IREB2: variants seen among roughly 807,000 people sequenced by gnomAD.
IREB2 encodes the protein iron-responsive element-binding protein 2.
In IREB2, 39 loss-of-function variants were observed where a neutral mutation model predicts 118.8. The observed-to-expected ratio is 0.33, with a 90% CI of 0.25 to 0.43. The LOEUF is 0.43. Ranked by LOEUF, IREB2 falls within the 20% of genes least tolerant of loss-of-function variation. The probability of loss-of-function intolerance (pLI) is 1.00; values close to 1 mark genes in which losing one functional copy is unlikely to be tolerated. For missense variants in IREB2, 900 were observed against 1,147.3 expected, an observed-to-expected ratio of 0.78 and a Z score of 3.11; for synonymous variants, 372 against 392.2, an observed-to-expected ratio of 0.95 and a Z score of 0.61.
intron 11 of IREB2, among the ~76,000 whole-genome samples, chr15:78,483,964 T>G (rs1448550375): frequency 6.6e-6 from 1 of 152,020 alleles, no homozygotes; most frequent in Non-Finnish European, 1.5e-5. Flanking sequence ...TTTGTATTTT[T>G]AGTAGAGACA....
rs968191810 is a variant in IREB2, at chr15:78,475,947, A to C, written c.1024-241A>C. 9 of 320,558 alleles carry C rather than the reference A, an allele frequency of 2.8e-5. No homozygotes were observed. The South Asian group carries it at 1.0e-3, about 36-fold the overall frequency. 19.9% of individuals were successfully genotyped at this position (320,558 alleles called of 1,614,324 possible). On this transcript the variant is annotated intron_variant, in intron 8 of 21. Coordinates refer to ENST00000258886, the MANE Select transcript of IREB2 (RefSeq NM_004136.4). Reference sequence around the variant, plus strand: ...AGACATGAAAATGTTAATTATAGCCACCTTGAGCTTTCAGGCCCCTTTCTA... The same window carrying C: ...AGACATGAAAATGTTAATTATAGCCCCCTTGAGCTTTCAGGCCCCTTTCTA...
intron 2 of IREB2, among the ~76,000 whole-genome samples, chr15:78,453,411 T>C (rs780305066): frequency 6.6e-6 from 1 of 151,838 alleles, no homozygotes; most frequent in Non-Finnish European, 1.5e-5. Context: ...GGTAGAAAAG[T>C]GGGCACTTTT....
intron 10 of IREB2, 42 bp downstream of exon 10, chr15:78,478,439 TGTG>T (rs1388462640): frequency 5.8e-6 from 7 of 1,211,096 alleles, no homozygotes; most frequent in Middle Eastern, 1.9e-4. Flanking sequence ...GAGTGTAAAT[TGTG>T]GTGTAATCCC....
chr15:78,459,718 A>G (rs753060888), intron 2 of IREB2, among the ~76,000 whole-genome samples: 4 of 152,190 alleles, frequency 2.6e-5, no homozygotes, highest in Non-Finnish European at 5.9e-5. Context: ...ACATTTTTAC[A>G]TTTGGTTTGT....
intron 9 of IREB2, among the ~76,000 whole-genome samples, chr15:78,477,862 A>G (rs1304378427): frequency 6.6e-6 from 1 of 152,126 alleles, no homozygotes; most frequent in African/African-American, 2.4e-5. Context: ...TCAAAACTGC[A>G]GTGGGCTATG....
chr15:78,465,212 A>G (rs201993554), intron 3 of IREB2, 39 bp from the exon 4 acceptor site: 1 of 1,550,054 alleles, frequency 6.5e-7, no homozygotes, highest in Non-Finnish European at 8.8e-7. Context: ...TGTATAAAAA[A>G]CAATTTGGAC....
intron 2 of IREB2, among the ~76,000 whole-genome samples, chr15:78,454,704 T>C (rs1361324384): frequency 6.6e-6 from 1 of 152,212 alleles, no homozygotes; most frequent in African/African-American, 2.4e-5. Context: ...TGTTTTATTA[T>C]TTATTTAGAG....
At chr15:78,493,303 A>T (rs1318577206) in intron 18 of IREB2, among the ~76,000 whole-genome samples, 1 of 152,174 alleles carries the variant, frequency 6.6e-6, no homozygotes, top group East Asian at 1.9e-4. Context: ...ACCCAAATCC[A>T]CACATACTGA....
chr15:78,482,975 G>A (rs975570809), intron 10 of IREB2, among the ~76,000 whole-genome samples: 4 of 152,202 alleles, frequency 2.6e-5, no homozygotes, highest in East Asian at 3.9e-4. Context: ...TCCTGACCTC[G>A]TGACCTGCCC....
intron 18 of IREB2, among the ~76,000 whole-genome samples, chr15:78,493,591 A>C (rs908167030): frequency 7.0e-6 from 1 of 141,982 alleles, no homozygotes; most frequent in Non-Finnish European, 1.6e-5. Context: ...TGATGTTAAG[A>C]AATTATTGTG....
chr15:78,444,468 G>T (rs2050896012), intron 2 of IREB2, among the ~76,000 whole-genome samples: 1 of 152,024 alleles, frequency 6.6e-6, no homozygotes, highest in Admixed American at 6.6e-5. Context: ...CTTTATCTCA[G>T]GTCATCTTAT....
At chr15:78,480,111 C>T (rs2051541109) in intron 10 of IREB2, 1 of 152,014 alleles carries the variant, frequency 6.6e-6, no homozygotes, top group African/African-American at 2.4e-5. Context: ...TATTGTATCC[C>T]CAGCTCCTAG....
intron 7 of IREB2, 21 bp downstream of exon 7, chr15:78,471,945 A>G (rs779132107): frequency 1.3e-6 from 2 of 1,483,854 alleles, no homozygotes; most frequent in Admixed American, 2.1e-5. Flanking sequence ...GACTAAATAT[A>G]TTTCATTTCT....
At chr15:78,476,126 G>A in intron 8 of IREB2, 62 bp from the exon 9 acceptor site, 1 of 1,264,528 alleles carries the variant, frequency 7.9e-7, no homozygotes, top group Non-Finnish European at 1.1e-6. Flanking sequence ...ATAGTTTTCA[G>A]ACAATCGTTG....
chr15:78,494,916 G>A (rs1018880058), intron 20 of IREB2, among the ~76,000 whole-genome samples: 12 of 152,098 alleles, frequency 7.9e-5, no homozygotes, highest in African/African-American at 2.2e-4. Flanking sequence ...AATTTTCTCC[G>A]ATTTGCCCCA....
chr15:78,472,906 G>A (rs1453316538), intron 7 of IREB2, among the ~76,000 whole-genome samples: 1 of 152,158 alleles, frequency 6.6e-6, no homozygotes, highest in African/African-American at 2.4e-5. Context: ...GACTGAACTT[G>A]TTGAGGTTGG....
At chr15:78,488,554 A>G in intron 15 of IREB2, 93 bp from the exon 16 acceptor site, 1 of 1,277,496 alleles carries the variant, frequency 7.8e-7, no homozygotes, top group South Asian at 1.6e-5. Context: ...CTGTTGAATC[A>G]TTTACTTGAT....
rs1213409309 is a variant in IREB2, at chr15:78,488,333, T to C, written c.1948T>C (p.Leu650=). ...TVNIDFQTEP[L]GTDPTGKNIY... ...GAATATAGATTTCCAGACAGAACCT[T>C]TAGGTATCTTTTCCTTTATGTATAT... Residue 650 remains leucine, a synonymous_variant, in exon 15 of 22, where the codon TTA becomes CTA. Transcript: ENST00000258886. The C allele has an allele frequency of 6.3e-7, 1 of 1,580,782 alleles. No homozygotes were observed. Among genetic ancestry groups the C allele is most frequent in the Non-Finnish European group, 8.5e-7 (1 of 1,170,602 alleles).
chr15:78,481,174 C>T (rs8026728), intron 10 of IREB2, among the ~76,000 whole-genome samples: 2 of 152,142 alleles, frequency 1.3e-5, no homozygotes, highest in Non-Finnish European at 2.9e-5. Context: ...GCCCGAGCCC[C>T]TGAGTTTGAA....
Sources: gnomAD v4.1 joint callset for allele counts (sites outside exome capture counted in the v4.1 genomes callset) on GRCh38, gnomAD v4.1.1 for gene constraint, MANE v1.5 for transcripts, NCBI Gene and HGNC (gene_info 2026-07-23, HGNC 2026-07-21) for gene names.